Variants in ZNF480 observed in about 807,000 individuals in gnomAD.
The protein encoded by ZNF480 is zinc finger protein 480.
ZNF480 carries 15 observed loss-of-function variants against 14.4 expected under a neutral mutation model. That is an observed-to-expected ratio of 1.04 (90% confidence interval 0.70 to 1.60). The LOEUF is 1.60. ZNF480 is among the 40% of genes most tolerant of loss of function. The pLI, the probability that ZNF480 is intolerant of heterozygous loss-of-function variation, is 0.00. For synonymous variants in ZNF480, 218 were observed against 215.5 expected (o/e 1.01, Z -0.10); for missense variants, 593 against 629.7 (o/e 0.94, Z 0.62).
intron 1 of ZNF480, chr19:52,297,998 G>T (rs939044143): frequency 2.0e-5 from 3 of 152,318 alleles, no homozygotes; most frequent in African/African-American, 4.8e-5. Flanking sequence ...CAGAGACAGC[G>T]AATGAAGCCG....
rs370420175 is a variant in ZNF480 at position 52,314,224 on chromosome 19, G to C, written c.144G>C (p.Gln48His). ...AGTGGAAATGCCTGGACCCTGCACAGAGGGCTTTATACAAGGATGTGATGT... is the reference window on the plus strand; with the variant it reads ...AGTGGAAATGCCTGGACCCTGCACACAGGGCTTTATACAAGGATGTGATGT... The part of the protein sequence containing the change: ...QAEWKCLDPA[Q>H]RALYKDVMLE... The change falls in exon 3 of 5, where the codon CAG becomes CAC. Residue 48 changes from glutamine (Q) to histidine (H), a missense_variant. Transcript: ENST00000595962. 1.1e-5 allele frequency: 18 copies of C among 1,584,442 alleles called. No homozygotes were observed. The Admixed American group carries it at 3.1e-4, about 27-fold the overall frequency.
In ZNF480 at chr19:52,314,153, G is replaced by A. The variant is rs2122545315; in HGVS notation, c.73G>A (p.Gly25Arg). The A allele has an allele frequency of 1.3e-6, 2 of 1,561,604 alleles. No individual in the cohort carries two copies. Among genetic ancestry groups the A allele is most frequent in the East Asian group, 2.4e-5 (1 of 41,782 alleles). Residue 25 changes from glycine (G) to arginine (R), a missense_variant and splice_region_variant, in exon 3 of 5, where the codon GGA becomes AGA. Gly to Arg is a moderately radical substitution (Grantham distance 125). Transcript: ENST00000595962. ...AKESGMALPQ[G>R]HLTFRDVAIE... is the part of the protein sequence containing the mutation. Reference sequence around the variant, plus strand: ...TGGTGAAATGTGGTTTTCATTTTAGGGACACTTAACATTCAGGGACGTGGC... The same window carrying A: ...TGGTGAAATGTGGTTTTCATTTTAGAGACACTTAACATTCAGGGACGTGGC...
At chr19:52,307,117 C>G (rs559048682) in intron 2 of ZNF480, among the ~76,000 whole-genome samples, 1 of 152,150 alleles carries the variant, frequency 6.6e-6, no homozygotes, top group African/African-American at 2.4e-5. Context: ...CCCACACTGA[C>G]CAGACAGTTA....
intron 2 of ZNF480, among the ~76,000 whole-genome samples, chr19:52,308,480 T>A (rs533415015): frequency 2.6e-5 from 4 of 152,006 alleles, no homozygotes; most frequent in Admixed American, 2.6e-4. Context: ...CTAATTTTTG[T>A]ATTTTTATTA....
At chr19:52,303,713 T>G (rs187756540) in intron 2 of ZNF480, among the ~76,000 whole-genome samples, 29 of 152,314 alleles carry the variant, frequency 1.9e-4, no homozygotes, top group Admixed American at 3.9e-4. Context: ...CTTTGTTAAT[T>G]GCTGAGGGCT....
intron 2 of ZNF480, among the ~76,000 whole-genome samples, chr19:52,305,848 A>G (rs186708701): frequency 6.6e-6 from 1 of 152,292 alleles, no homozygotes; most frequent in East Asian, 1.9e-4. Context: ...TCGGGTTCCC[A>G]TCTTCATCAA....
chr19:52,321,475 C>A (rs1983806353), intron 4 of ZNF480, 104 bp from the exon 5 acceptor site: 11 of 970,998 alleles, frequency 1.1e-5, no homozygotes, highest in Non-Finnish European at 1.7e-5. Flanking sequence ...GCTGATATTT[C>A]TTCCAATGTC....
chr19:52,302,049 C>T (rs1260153237), intron 2 of ZNF480: 2 of 210,892 alleles, frequency 9.5e-6, no homozygotes, highest in Non-Finnish European at 1.9e-5. Flanking sequence ...TCGGGTTCCT[C>T]CCAAAATCTC....
intron 2 of ZNF480, chr19:52,300,835 G>T: frequency 3.5e-6 from 1 of 285,868 alleles, no homozygotes; most frequent in East Asian, 6.6e-5. Context: ...TTCCTTATGG[G>T]AAACAAAACA....
intron 2 of ZNF480, among the ~76,000 whole-genome samples, chr19:52,304,964 TG>T (rs1408975833): frequency 1.3e-5 from 2 of 151,974 alleles, no homozygotes; most frequent in Non-Finnish European, 2.9e-5. Context: ...CCGGGCATGG[TG>T]GTGGGCACCT....
At chr19:52,300,372 A>G (rs1309339050) in intron 1 of ZNF480, 22 bp from the exon 2 acceptor site, 2 of 1,610,510 alleles carry the variant, frequency 1.2e-6, no homozygotes, top group South Asian at 2.2e-5. Flanking sequence ...TAAGCCCTAA[A>G]CAGCATATTT....
chr19:52,303,744 T>C (rs1292053065), intron 2 of ZNF480, among the ~76,000 whole-genome samples: 1 of 152,224 alleles, frequency 6.6e-6, no homozygotes, highest in Non-Finnish European at 1.5e-5. Flanking sequence ...GGATCTCCTT[T>C]AAGGATAGAA....
intron 4 of ZNF480, among the ~76,000 whole-genome samples, chr19:52,316,873 G>T (rs1209721835): frequency 6.6e-6 from 1 of 152,132 alleles, no homozygotes; most frequent in Non-Finnish European, 1.5e-5. Flanking sequence ...AGCACATCAA[G>T]AAATTTGTAT....
intron 4 of ZNF480, 66 bp downstream of exon 4, chr19:52,316,028 G>A (rs1983536728): frequency 1.4e-6 from 2 of 1,456,850 alleles, no homozygotes; most frequent in Non-Finnish European, 1.8e-6. Context: ...GTTTTGTTTT[G>A]TCTAGTTTTG....
At chr19:52,301,719 A>G (rs1158895632) in intron 2 of ZNF480, 1 of 152,196 alleles carries the variant, frequency 6.6e-6, no homozygotes, top group African/African-American at 2.4e-5. Flanking sequence ...CTGTGACAGC[A>G]ATCAATCCCA....
At chr19:52,310,167 T>C (rs183536783) in intron 2 of ZNF480, among the ~76,000 whole-genome samples, 2 of 152,244 alleles carry the variant, frequency 1.3e-5, no homozygotes, top group East Asian at 1.9e-4. Context: ...GCAATTCTCA[T>C]GCCTCAGCCT....
At chr19:52,315,710 G>A in intron 3 of ZNF480, 124 bp from the exon 4 acceptor site, 3 of 1,160,744 alleles carry the variant, frequency 2.6e-6, no homozygotes, top group Non-Finnish European at 3.6e-6. Flanking sequence ...GAAGGAGGCA[G>A]TCTATGGATG....
Position 52,298,890 on chromosome 19 carries a change from AAC to A in ZNF480, c.-19-1500_-19-1499del, listed in dbSNP as rs551039944. On this transcript the variant is annotated intron_variant, in intron 1 of 4. Coordinates refer to ENST00000595962, the MANE Select transcript of ZNF480 (RefSeq NM_144684.4). ...AGATACGTACAGAATGAGGGAGGGA[AAC>A]ACAGTACCCAGAAAAGAGGGAACCC... is the stretch of plus-strand genomic sequence containing the variant. Among the ~76,000 whole-genome samples the A allele has an allele frequency of 9.4e-3, 1,423 of 152,076 alleles. 17 individuals carry two copies. Among genetic ancestry groups the A allele is most frequent in the African/African-American group, 0.033 (1,368 of 41,488 alleles).
chr19:52,310,256 C>T (rs1983205744), intron 2 of ZNF480, among the ~76,000 whole-genome samples: 1 of 151,974 alleles, frequency 6.6e-6, no homozygotes, highest in Admixed American at 6.6e-5. Context: ...GGGGTTTCAC[C>T]ATGTTGGCCA....
Sources: allele counts gnomAD v4.1 joint callset (sites outside exome capture counted in the v4.1 genomes callset), GRCh38; gene constraint gnomAD v4.1.1; transcripts MANE v1.5; gene names NCBI Gene and HGNC (gene_info 2026-07-23, HGNC 2026-07-21).